TANC2: variants seen among roughly 807,000 people sequenced by gnomAD.
The protein encoded by TANC2 is tetratricopeptide repeat, ankyrin repeat and coiled-coil containing 2.
Under a neutral mutation model 210.5 loss-of-function variants are expected in TANC2, and 26 were observed. The observed-to-expected ratio is 0.12, with a 90% CI of 0.09 to 0.17. The LOEUF (loss-of-function observed/expected upper bound fraction) is 0.17, where lower values mean the gene tolerates loss of function less well. Among genes scored for constraint, TANC2 ranks in the 10% least tolerant of loss-of-function variants. The probability of loss-of-function intolerance (pLI) is 1.00; values close to 1 mark genes in which losing one functional copy is unlikely to be tolerated. For missense variants in TANC2, 2,129 were observed against 2,608.9 expected, an observed-to-expected ratio of 0.82 and a Z score of 4.01; for synonymous variants, 931 against 967.1, an observed-to-expected ratio of 0.96 and a Z score of 0.69.
chr17:63,379,652 G>C lies in TANC2; in HGVS notation c.2583-66G>C, dbSNP rs955975369. 2.6e-5 allele frequency: 34 copies of C among 1,283,022 alleles called. No homozygotes were observed. In the East Asian group the frequency reaches 8.5e-4, roughly 32 times the overall value. 79.5% of individuals were successfully genotyped at this position (1,283,022 alleles called of 1,614,324 possible). On this transcript the variant is annotated intron_variant, in intron 14 of 27. Coordinates refer to ENST00000689528, the Ensembl canonical transcript of TANC2. ...CCACCGCACTCTAGTCTGGGCAACA[G>C]AGTGAGACTCCATCTCAATAAATAA...
Position 63,266,286 on chromosome 17 carries a change from C to T in TANC2, c.1034-1462C>T, listed in dbSNP as rs539233540. ...GCTACATTCTTTAGTAAAATGTTTC[C>T]TTGCTCATCTTTTTTCTTTCCTATA... is the stretch of plus-strand genomic sequence containing the variant. On this transcript the variant is annotated intron_variant, in intron 8 of 27. Coordinates refer to ENST00000689528, the Ensembl canonical transcript of TANC2. Among the ~76,000 whole-genome samples the T allele has an allele frequency of 1.5e-3, 223 of 151,816 alleles. 1 individual carries two copies. The highest frequency in any genetic ancestry group is 5.4e-3 in the Admixed American group (83 of 15,244).
At chr17:63,164,393 A>G (rs1567777393) in intron 5 of TANC2, among the ~76,000 whole-genome samples, 1 of 152,128 alleles carries the variant, frequency 6.6e-6, no homozygotes, top group Non-Finnish European at 1.5e-5. Context: ...TTTAGTCAAT[A>G]TACTTTTATA....
intron 14 of TANC2, among the ~76,000 whole-genome samples, chr17:63,374,730 A>G (rs1356920845): frequency 6.6e-6 from 1 of 152,208 alleles, no homozygotes; most frequent in African/African-American, 2.4e-5. Flanking sequence ...TAAGGTAAAA[A>G]GGTAAAGACA....
intron 11 of TANC2, chr17:63,338,857 A>G (rs2046126224): frequency 6.6e-6 from 1 of 152,210 alleles, no homozygotes; most frequent in Non-Finnish European, 1.5e-5. Context: ...AGGTGTTTAA[A>G]AAATATCGAC....
chr17:63,068,588 A>G (rs1216265173), intron 2 of TANC2, among the ~76,000 whole-genome samples: 1 of 152,206 alleles, frequency 6.6e-6, no homozygotes, highest in African/African-American at 2.4e-5. Context: ...TACAATTGAT[A>G]TATTCATACA....
At chr17:63,129,868 T>C (rs2038854460) in intron 4 of TANC2, among the ~76,000 whole-genome samples, 1 of 152,158 alleles carries the variant, frequency 6.6e-6, no homozygotes, top group East Asian at 1.9e-4. Context: ...TTCAAAACTT[T>C]TAAGTGATCT....
intron 1 of TANC2, among the ~76,000 whole-genome samples, chr17:63,007,073 A>G (rs1459085159): frequency 6.6e-6 from 1 of 150,484 alleles, no homozygotes; most frequent in African/African-American, 2.5e-5. Context: ...AAAAAAAATG[A>G]GAAAAATTAG....
intron 5 of TANC2, among the ~76,000 whole-genome samples, chr17:63,167,906 AAAAG>A (rs2040268707): frequency 2.0e-5 from 3 of 150,058 alleles, no homozygotes; most frequent in Non-Finnish European, 3.0e-5. Context: ...AAAAAAAAAA[AAAAG>A]AAAAGGAAAG....
At chr17:63,231,699 C>T (rs1344516677) in intron 7 of TANC2, among the ~76,000 whole-genome samples, 1 of 152,102 alleles carries the variant, frequency 6.6e-6, no homozygotes, top group African/African-American at 2.4e-5. Context: ...ATGTATTTTA[C>T]TTCATTTTGA....
At chr17:63,044,062 C>T (rs1490956007) in intron 2 of TANC2, among the ~76,000 whole-genome samples, 2 of 152,090 alleles carry the variant, frequency 1.3e-5, no homozygotes, top group African/African-American at 2.4e-5. Flanking sequence ...AGTTCATTCT[C>T]TATTTTGCGT....
intron 8 of TANC2, among the ~76,000 whole-genome samples, chr17:63,261,595 A>G (rs1209606986): frequency 6.6e-6 from 1 of 152,168 alleles, no homozygotes; most frequent in Non-Finnish European, 1.5e-5. Context: ...GAAAAACTGC[A>G]AACTAGATTC....
intron 1 of TANC2, among the ~76,000 whole-genome samples, chr17:62,989,857 G>T (rs1010810790): frequency 7.1e-6 from 1 of 141,622 alleles, no homozygotes; most frequent in Non-Finnish European, 1.5e-5. Flanking sequence ...CTGCAACCTC[G>T]TCTCCTGGGT....
chr17:63,147,226 C>G (rs1446053377), intron 4 of TANC2, among the ~76,000 whole-genome samples: 1 of 151,908 alleles, frequency 6.6e-6, no homozygotes, highest in Non-Finnish European at 1.5e-5. Flanking sequence ...GACTGTGGTC[C>G]CGACTACTCG....
intron 6 of TANC2, among the ~76,000 whole-genome samples, chr17:63,195,137 T>G (rs2041303214): frequency 6.6e-6 from 1 of 152,218 alleles, no homozygotes; most frequent in Non-Finnish European, 1.5e-5. Context: ...TCCTCAAGCC[T>G]CACTCCTTAG....
chr17:63,330,841 C>A (rs2045815671), intron 11 of TANC2, among the ~76,000 whole-genome samples: 1 of 152,030 alleles, frequency 6.6e-6, no homozygotes, highest in Non-Finnish European at 1.5e-5. Context: ...TTTGAGAGGC[C>A]GAGGTGGGTG....
At chr17:63,186,559 G>T (rs2145696258) in intron 5 of TANC2, among the ~76,000 whole-genome samples, 2 of 151,916 alleles carry the variant, frequency 1.3e-5, no homozygotes, top group Middle Eastern at 3.4e-3. Context: ...CACCATGTTG[G>T]TCAGGCTGGT....
intron 9 of TANC2, among the ~76,000 whole-genome samples, chr17:63,283,492 GT>G (rs1329272061): frequency 2.0e-5 from 3 of 151,660 alleles, no homozygotes; most frequent in African/African-American, 7.3e-5. Flanking sequence ...AACTGCTAGA[GT>G]TTTTATGGAG....
intron 9 of TANC2, among the ~76,000 whole-genome samples, chr17:63,291,124 A>G (rs773939116): frequency 6.6e-6 from 1 of 152,220 alleles, no homozygotes; most frequent in African/African-American, 2.4e-5. Flanking sequence ...TGCCTTGGCT[A>G]GTATCCAAGT....
intron 11 of TANC2, among the ~76,000 whole-genome samples, chr17:63,329,480 C>T (rs1429890471): frequency 6.6e-6 from 1 of 152,160 alleles, no homozygotes; most frequent in African/African-American, 2.4e-5. Context: ...AATTTAAAAA[C>T]TATTCTGTTG....
Sources: gnomAD v4.1 joint callset for allele counts (sites outside exome capture counted in the v4.1 genomes callset) on GRCh38, gnomAD v4.1.1 for gene constraint, MANE v1.5 for transcripts, NCBI Gene and HGNC (gene_info 2026-07-23, HGNC 2026-07-21) for gene names.